The following ZC3H13 variants were observed in gnomAD, a reference collection of about 807,000 sequenced individuals.
ZC3H13 encodes zinc finger CCCH-type containing 13.
ZC3H13 carries 64 observed loss-of-function variants against 204.1 expected under a neutral mutation model. That is an observed-to-expected ratio of 0.31 (90% CI 0.26 to 0.39). The LOEUF (loss-of-function observed/expected upper bound fraction) is 0.39, where lower values mean the gene tolerates loss of function less well. ZC3H13 is among the 10% of genes least tolerant of loss of function. ZC3H13 has a pLI of 1.00. For synonymous variants in ZC3H13, 667 were observed against 693.7 expected (o/e 0.96, Z 0.60); for missense variants, 1,833 against 2,082.7 (o/e 0.88, Z 2.33).
At chr13:45,967,297 T>C (rs1952173487) in intron 15 of ZC3H13, among the ~76,000 whole-genome samples, 1 of 152,184 alleles carries the variant, frequency 6.6e-6, no homozygotes, top group Non-Finnish European at 1.5e-5. Flanking sequence ...TCTGCCTTAA[T>C]GGTACTGCTA....
chr13:46,001,230 A>C (rs1364992324), intron 8 of ZC3H13: 2 of 152,218 alleles, frequency 1.3e-5, no homozygotes, highest in Non-Finnish European at 2.9e-5. Flanking sequence ...ATTTGTAAAA[A>C]TACACAACAT....
At chr13:46,022,512 C>T (rs990456517) in intron 4 of ZC3H13, among the ~76,000 whole-genome samples, 3 of 151,914 alleles carry the variant, frequency 2.0e-5, no homozygotes, top group South Asian at 4.1e-4. Flanking sequence ...TAGTGTAGCA[C>T]GGTCTACTAT....
In ZC3H13 at chr13:45,967,811, A is replaced by G. The variant is rs760116784; in HGVS notation, c.4014T>C (p.Asp1338=). ...TCTCTCGTTCTCGTTCTCGCAATCT[A>G]TCTCGATCCCTGTTGCGTGGCCAAT... is the stretch of plus-strand genomic sequence containing the variant. The part of the protein sequence containing the change: ...DKDWPRNRDR[D]RLRERERERE... Residue 1338 remains aspartate, a synonymous_variant, in exon 15 of 19, where the codon GAT becomes GAC. Transcript: ENST00000679008. 2 of 1,613,160 alleles carry G rather than the reference A, an allele frequency of 1.2e-6. No individual in the cohort carries two copies. Among genetic ancestry groups the G allele is most frequent in the Non-Finnish European group, 1.7e-6 (2 of 1,179,632 alleles).
rs1952224093 is a variant in ZC3H13, at chr13:45,967,834, A to C, written c.3991T>G (p.Trp1331Gly). The change falls in exon 15 of 19, where the codon TGG becomes GGG. Residue 1331 changes from tryptophan (W) to glycine (G), a missense_variant. By Grantham distance (184) the Trp-to-Gly change is radical. This residue lies in a region of ZC3H13 where 1,574 missense variants were observed against 1,757.2 expected (regional missense o/e 0.90). Transcript: ENST00000679008. ...REWDRDADKD[W>G]PRNRDRDRLR... ...CTATCTCGATCCCTGTTGCGTGGCCAATCTTTATCAGCATCTCGGTCCCAT... is the reference window on the plus strand; with the variant it reads ...CTATCTCGATCCCTGTTGCGTGGCCCATCTTTATCAGCATCTCGGTCCCAT... 1 of 1,613,532 alleles carries C rather than the reference A, an allele frequency of 6.2e-7. No homozygotes were observed. Among genetic ancestry groups the C allele is most frequent in the Non-Finnish European group, 8.5e-7 (1 of 1,179,902 alleles).
At chr13:46,014,647 A>C (rs922746350) in intron 5 of ZC3H13, among the ~76,000 whole-genome samples, 2 of 152,144 alleles carry the variant, frequency 1.3e-5, no homozygotes, top group Non-Finnish European at 1.5e-5. Context: ...TCCATTCTAT[A>C]TTTTGTACTT....
chr13:45,975,655 C>G lies in ZC3H13; in HGVS notation c.2096G>C (p.Arg699Pro). Residue 699 changes from arginine (R) to proline (P), a missense_variant, in exon 12 of 19, where the codon CGG becomes CCG. Transcript: ENST00000679008. ...TAGTTCTCTCTCTTTTTCTCTTTCCCGATCCCGTTCACGTTCCCTCTCTCT... is the reference window on the plus strand; with the variant it reads ...TAGTTCTCTCTCTTTTTCTCTTTCCGGATCCCGTTCACGTTCCCTCTCTCT... ...RERERERERD[R>P]EREKERELER... 6.2e-7 allele frequency: 1 copy of G among 1,602,062 alleles called. No homozygotes were observed. Among genetic ancestry groups the G allele is most frequent in the East Asian group, 2.3e-5 (1 of 44,202 alleles).
rs968892581 is a variant in ZC3H13, at chr13:45,971,735, T to C, written c.2469-1270A>G. 2.0e-5 allele frequency among the ~76,000 whole-genome samples: 3 copies of C among 152,056 alleles called. No homozygotes were observed. In the South Asian group the frequency reaches 6.2e-4, roughly 32 times the overall value. ...AGACAACCCATAGAATGGGAGAAAATGTTTGCAAACTATGTATCCAACAAA... is the reference window on the plus strand; with the variant it reads ...AGACAACCCATAGAATGGGAGAAAACGTTTGCAAACTATGTATCCAACAAA... On this transcript the variant is annotated intron_variant, in intron 12 of 18. Transcript: ENST00000679008.
chr13:46,018,710 A>G (rs2138784940), intron 5 of ZC3H13, among the ~76,000 whole-genome samples: 1 of 152,306 alleles, frequency 6.6e-6, no homozygotes, highest in Middle Eastern at 3.4e-3. Flanking sequence ...AAGGTTTGAC[A>G]TACCTACCAG....
At chr13:46,014,160 C>T (rs2041759190) in intron 5 of ZC3H13, among the ~76,000 whole-genome samples, 1 of 152,058 alleles carries the variant, frequency 6.6e-6, no homozygotes, top group African/African-American at 2.4e-5. Flanking sequence ...AATACAGCAA[C>T]TTTTTTTAAA....
chr13:46,051,771 A>C (rs2044441824), intron 1 of ZC3H13, among the ~76,000 whole-genome samples: 1 of 152,226 alleles, frequency 6.6e-6, no homozygotes, highest in East Asian at 1.9e-4. Context: ...TACCCTTCAC[A>C]AACAACATCT....
intron 4 of ZC3H13, among the ~76,000 whole-genome samples, chr13:46,034,643 G>T (rs1260041899): frequency 6.6e-6 from 1 of 152,116 alleles, no homozygotes; most frequent in East Asian, 1.9e-4. Context: ...GATATGTTCT[G>T]TATCTTGATT....
At chr13:45,992,472 T>A (rs2040032727) in intron 8 of ZC3H13, among the ~76,000 whole-genome samples, 2 of 152,374 alleles carry the variant, frequency 1.3e-5, no homozygotes, top group South Asian at 4.1e-4. Flanking sequence ...TAATTGAATG[T>A]CATGGTTAAT....
At position 45,967,852 on chromosome 13, in the gene ZC3H13, G is replaced by GAT; in HGVS notation, c.3972_3973insAT (p.Arg1325IlefsTer39). On this transcript the variant is annotated frameshift_variant, in exon 15 of 19. Transcript: ENST00000679008. LOFTEE classifies it high-confidence loss of function. ...CGTGGCCAATCTTTATCAGCATCTC[G>GAT]GTCCCATTCTCTCTGCCTCGTATCT... The GAT allele has an allele frequency of 6.2e-7, 1 of 1,613,612 alleles. No homozygotes were observed. The highest frequency in any genetic ancestry group is 8.5e-7 in the Non-Finnish European group (1 of 1,179,950).
At chr13:46,004,181 T>C (rs1238230242) in intron 7 of ZC3H13, among the ~76,000 whole-genome samples, 1 of 152,042 alleles carries the variant, frequency 6.6e-6, no homozygotes, top group Non-Finnish European at 1.5e-5. Flanking sequence ...TCATGGGATA[T>C]CCTATTACAA....
At chr13:46,044,844 C>A in intron 3 of ZC3H13, 111 bp downstream of exon 3, 1 of 595,990 alleles carries the variant, frequency 1.7e-6, no homozygotes. Context: ...AGACTACCAC[C>A]AATATAGAAA....
At position 45,975,772 on chromosome 13, in the gene ZC3H13, C is replaced by T; in HGVS notation, c.1979G>A (p.Arg660Lys). The T allele has an allele frequency of 6.2e-7, 1 of 1,613,994 alleles. No homozygotes were observed. Among genetic ancestry groups the T allele is most frequent in the Non-Finnish European group, 8.5e-7 (1 of 1,179,930 alleles). Residue 660 changes from arginine (R) to lysine (K), a missense_variant, in exon 12 of 19, where the codon AGA becomes AAA. By Grantham distance (26) the Arg-to-Lys change is conservative. This residue lies in a region of ZC3H13 where 1,574 missense variants were observed against 1,757.2 expected (regional missense o/e 0.90). Coordinates refer to ENST00000679008, the MANE Select transcript of ZC3H13 (RefSeq NM_001330564.2). Reference protein sequence around the residue: ...RNDELERDERREERRVDRVDD... With the variant: ...RNDELERDERKEERRVDRVDD... ...CACTCTGTCTACTCTTCGTTCCTCT[C>T]TTCTTTCATCACGCTCAAGCTCGTC...
chr13:46,009,049 A>AAT (rs1171059586), intron 7 of ZC3H13, among the ~76,000 whole-genome samples: 3 of 152,182 alleles, frequency 2.0e-5, no homozygotes, highest in East Asian at 1.9e-4. Context: ...TCACAGCTGA[A>AAT]ATATAATGCA....
chr13:46,010,456 C>T lies in ZC3H13; in HGVS notation c.638G>A (p.Arg213Lys). ...TCGCTTCGGAGATTTGCTAGACTTT[C>T]TTAGAGAAGGTGACGGGGACAATTT... ...RSKLSPSPSL[R>K]KSSKSPKRKS... Residue 213 changes from arginine (R) to lysine (K), a missense_variant, in exon 7 of 19, where the codon AGA becomes AAA. Physicochemically the swap from Arg to Lys is conservative, Grantham distance 26 (BLOSUM62 2). Around this residue, in one of 5 missense-constraint regions of ZC3H13, gnomAD observed 1,574 missense variants for 1,757.2 expected, o/e 0.90. Coordinates refer to ENST00000679008, the MANE Select transcript of ZC3H13 (RefSeq NM_001330564.2). 3.1e-6 allele frequency: 5 copies of T among 1,613,724 alleles called. No homozygotes were observed. Among genetic ancestry groups the T allele is most frequent in the Non-Finnish European group, 4.2e-6 (5 of 1,179,738 alleles).
Position 45,967,571 on chromosome 13 carries a change from A to T in ZC3H13, c.4254T>A (p.Asp1418Glu). 1.9e-6 allele frequency: 3 copies of T among 1,610,892 alleles called. No homozygotes were observed. Among genetic ancestry groups the T allele is most frequent in the Non-Finnish European group, 2.5e-6 (3 of 1,178,694 alleles). Residue 1418 changes from aspartate to glutamate, a missense_variant, in exon 15 of 19, where the codon GAT (aspartate) becomes GAA (glutamate). By Grantham distance (45) the Asp-to-Glu change is conservative (BLOSUM62 2). Coordinates refer to ENST00000679008, the MANE Select transcript of ZC3H13 (RefSeq NM_001330564.2). The part of the protein sequence containing the change: ...DSLALDKERM[D>E]KDLGSVQGFE... ...ATCCCTGCACAGATCCCAGATCTTTATCCATTCTCTCTTTATCCAAGGCTA... is the reference window on the plus strand; with the variant it reads ...ATCCCTGCACAGATCCCAGATCTTTTTCCATTCTCTCTTTATCCAAGGCTA...
Sources: allele counts gnomAD v4.1 joint callset (sites outside exome capture counted in the v4.1 genomes callset), GRCh38; gene constraint gnomAD v4.1.1; regional missense constraint gnomAD v4.1.1; transcripts MANE v1.5; gene names NCBI Gene and HGNC (gene_info 2026-07-23, HGNC 2026-07-21).